AGK: variants seen among roughly 807,000 people sequenced by gnomAD.
AGK encodes acylglycerol kinase, mitochondrial.
AGK carries 52 observed loss-of-function variants against 66.4 expected under a neutral mutation model. The ratio of observed to expected loss-of-function variants is 0.78; its 90% CI spans 0.63 to 0.99. The LOEUF is 0.99. Ranked by LOEUF, AGK falls within the 50% of genes least tolerant of loss-of-function variation. AGK has a pLI of 0.00. For missense variants in AGK, 451 were observed against 506.6 expected (o/e 0.89, Z 1.05); for synonymous variants, 182 against 181.1 (o/e 1.00, Z -0.04).
chr7:141,619,542 A>G (rs1424289254), intron 8 of AGK, among the ~76,000 whole-genome samples: 1 of 152,152 alleles, frequency 6.6e-6, no homozygotes, highest in Non-Finnish European at 1.5e-5. Context: ...ATTAGCATCA[A>G]ATGGATTGTA....
intron 8 of AGK, among the ~76,000 whole-genome samples, chr7:141,617,578 T>C (rs1368098718): frequency 3.3e-5 from 5 of 152,172 alleles, no homozygotes; most frequent in Non-Finnish European, 7.3e-5. Flanking sequence ...AAAAAAGAAT[T>C]TTGAATTTGG....
At chr7:141,591,088 T>G (rs914073613) in intron 2 of AGK, among the ~76,000 whole-genome samples, 2,024 of 130,008 alleles carry the variant, frequency 0.016, 82 homozygotes, top group African/African-American at 0.06. Context: ...AGTTGTTTTT[T>G]TTTTTTTTTT....
chr7:141,582,807 A>T (rs1277777632), intron 2 of AGK, among the ~76,000 whole-genome samples: 2 of 151,826 alleles, frequency 1.3e-5, no homozygotes, highest in Non-Finnish European at 2.9e-5. Context: ...AGGGGAGGTG[A>T]TAAAAGGATT....
chr7:141,577,795 T>C (rs1216921975), intron 2 of AGK, among the ~76,000 whole-genome samples: 1 of 150,780 alleles, frequency 6.6e-6, no homozygotes, highest in Non-Finnish European at 1.5e-5. Context: ...CCCTTCCAGA[T>C]CGAATGCCCC....
chr7:141,598,649 A>G lies in AGK; in HGVS notation c.221+2008A>G, dbSNP rs1587110848. Among the ~76,000 whole-genome samples, 2 of 152,218 alleles carry G rather than the reference A, an allele frequency of 1.3e-5. No homozygotes were observed. Among genetic ancestry groups the G allele is most frequent in the East Asian group, 3.8e-4 (2 of 5,198 alleles). ...ATAATAAGCACACAATGTAAGAAAT[A>G]TAAACTGCTGAAATTGTTACTCTTG... On this transcript the variant is annotated intron_variant, in intron 4 of 15. Transcript: ENST00000649286. This position sits in a 1 kb window ranked among gnomAD's most constrained non-coding sequence, Gnocchi z 4.2.
chr7:141,624,042 G>A (rs1483192370), intron 9 of AGK, among the ~76,000 whole-genome samples: 2 of 151,910 alleles, frequency 1.3e-5, no homozygotes, highest in African/African-American at 2.4e-5. Flanking sequence ...AATATTTTAA[G>A]CCCACTGTTG....
intron 13 of AGK, among the ~76,000 whole-genome samples, chr7:141,644,363 G>A (rs543267221): frequency 6.6e-5 from 10 of 152,230 alleles, no homozygotes; most frequent in African/African-American, 1.9e-4. Context: ...ATACTGTGCC[G>A]CTTATCACTA....
At chr7:141,649,868 C>G (rs1190161612) in intron 14 of AGK, among the ~76,000 whole-genome samples, 6 of 152,248 alleles carry the variant, frequency 3.9e-5, no homozygotes, top group African/African-American at 1.4e-4. Flanking sequence ...TCATGAAAAA[C>G]TGGAAAAGGT....
At chr7:141,584,623 A>G (rs1242341157) in intron 2 of AGK, among the ~76,000 whole-genome samples, 1 of 152,208 alleles carries the variant, frequency 6.6e-6, no homozygotes, top group Non-Finnish European at 1.5e-5. Context: ...TGTCTCAGAT[A>G]TTTTGGGTTC....
intron 10 of AGK, 114 bp downstream of exon 10, chr7:141,634,094 G>A (rs1562980623): frequency 5.8e-5 from 51 of 883,942 alleles, no homozygotes; most frequent in South Asian, 5.1e-4. Context: ...TGGGCCTGGA[G>A]GTTGAATTAT....
intron 8 of AGK, 139 bp downstream of exon 8, chr7:141,615,704 C>T (rs1190887398): frequency 5.8e-6 from 4 of 694,542 alleles, no homozygotes; most frequent in African/African-American, 1.8e-5. Context: ...GATCAGAGTT[C>T]AGCCTTTCAG....
intron 6 of AGK, among the ~76,000 whole-genome samples, chr7:141,613,400 C>T (rs1262429704): frequency 2.0e-5 from 3 of 152,174 alleles, no homozygotes; most frequent in Non-Finnish European, 2.9e-5. Context: ...GGGCGGATCA[C>T]CTGAGGTCCA....
intron 9 of AGK, among the ~76,000 whole-genome samples, chr7:141,626,605 T>G (rs1019334391): frequency 6.6e-6 from 1 of 152,218 alleles, no homozygotes; most frequent in African/African-American, 2.4e-5. Flanking sequence ...CTATGTATTT[T>G]GCTGCACAAA....
chr7:141,557,216 T>A (rs960942490), intron 2 of AGK, among the ~76,000 whole-genome samples: 2 of 152,242 alleles, frequency 1.3e-5, no homozygotes, highest in Non-Finnish European at 2.9e-5. Context: ...ATGTCTGCTT[T>A]TTTTGCAGCT....
chr7:141,602,185 GTGTGTGTGTGTGTGTGTGTGTGTGTGTA>G (rs927524180), intron 5 of AGK, among the ~76,000 whole-genome samples: 2 of 150,012 alleles, frequency 1.3e-5, no homozygotes, highest in Non-Finnish European at 3.0e-5. Flanking sequence ...GTGTGTGTGT[GTGTGTGTGTGTGTGTGTGTGTGTGTGTA>G]TGTAGAGACA....
At chr7:141,556,852 G>T (rs1795220091) in intron 2 of AGK, among the ~76,000 whole-genome samples, 1 of 152,152 alleles carries the variant, frequency 6.6e-6, no homozygotes, top group South Asian at 2.1e-4. Context: ...TTTAAATAAA[G>T]AATTCAGAGG....
chr7:141,584,600 A>G (rs1795956670), intron 2 of AGK, among the ~76,000 whole-genome samples: 1 of 152,210 alleles, frequency 6.6e-6, no homozygotes, highest in South Asian at 2.1e-4. Flanking sequence ...AACTTTCTAC[A>G]TTGAATGAGA....
At chr7:141,586,965 A>T (rs1796006690) in intron 2 of AGK, among the ~76,000 whole-genome samples, 1 of 152,102 alleles carries the variant, frequency 6.6e-6, no homozygotes. Context: ...TGTAGCTAAG[A>T]TTGCTATACA....
chr7:141,650,831 A>G (rs1797538432), intron 14 of AGK: 2 of 217,548 alleles, frequency 9.2e-6, no homozygotes, highest in African/African-American at 2.3e-5. Flanking sequence ...CCCCTTCTAT[A>G]TAGTGGCACG....
Sources: allele counts gnomAD v4.1 joint callset (sites outside exome capture counted in the v4.1 genomes callset), GRCh38; gene constraint gnomAD v4.1.1; non-coding constraint Gnocchi (gnomAD v3.1); transcripts MANE v1.5; gene names NCBI Gene and HGNC (gene_info 2026-07-23, HGNC 2026-07-21).